The following DNAH11 variants were observed in gnomAD, a reference collection of about 807,000 sequenced individuals.
DNAH11 encodes the protein axonemal beta dynein heavy chain 11.
In DNAH11, 442 loss-of-function variants were observed where a neutral mutation model predicts 526.0. The ratio of observed to expected loss-of-function variants is 0.84; its 90% CI spans 0.78 to 0.91. The LOEUF is 0.91. DNAH11 is among the 40% of genes least tolerant of loss of function. DNAH11 has a pLI of 0.00. For missense variants in DNAH11, 6,989 were observed against 5,448.7 expected (o/e 1.28, Z -8.90); for synonymous variants, 2,461 against 1,935.9 (o/e 1.27, Z -7.12).
Position 21,615,194 on chromosome 7 carries a change from A to G in DNAH11, c.3933A>G (p.Pro1311=), listed in dbSNP as rs138071140. 414 of 1,613,404 alleles carry G rather than the reference A, an allele frequency of 2.6e-4. 1 individual carries two copies. The African/African-American group carries it at 4.8e-3, about 19-fold the overall frequency. ...ESTRLFEVAL[P]EYKQMKQCRK... ...CTCGTCTTTTTGAAGTGGCTCTTCC[A>G]GAGTACAAACAAATGAAACAGTGTC... Residue 1311 remains proline, a synonymous_variant, in exon 21 of 82, where the codon CCA becomes CCG. Transcript: ENST00000409508.
chr7:21,806,241 A>G (rs1192760514), intron 62 of DNAH11, among the ~76,000 whole-genome samples: 1 of 152,212 alleles, frequency 6.6e-6, no homozygotes, highest in African/African-American at 2.4e-5. Flanking sequence ...TCAAATCTCA[A>G]AGCTGTTTTG....
At chr7:21,845,338 T>C (rs1017388995) in intron 66 of DNAH11, among the ~76,000 whole-genome samples, 3 of 152,188 alleles carry the variant, frequency 2.0e-5, no homozygotes, top group Admixed American at 6.5e-5. Context: ...TTGTGTAGTT[T>C]TGGTTCTTAC....
chr7:21,660,762 T>C (rs374770394), intron 30 of DNAH11, among the ~76,000 whole-genome samples: 6 of 152,054 alleles, frequency 3.9e-5, no homozygotes, highest in Non-Finnish European at 7.4e-5. Context: ...TATATATAAG[T>C]GTAATTATTT....
chr7:21,775,615 C>CAAAAA (rs11325043), intron 56 of DNAH11, among the ~76,000 whole-genome samples: 1 of 148,188 alleles, frequency 6.7e-6, no homozygotes, highest in Non-Finnish European at 1.5e-5. Context: ...GACCCTGTCT[C>CAAAAA]AAAAAAAAAA....
At chr7:21,612,751 G>A (rs1236542112) in intron 20 of DNAH11, among the ~76,000 whole-genome samples, 1 of 151,980 alleles carries the variant, frequency 6.6e-6, no homozygotes, top group Admixed American at 6.6e-5. Context: ...ATATAGATCA[G>A]TCTTTCTCAC....
chr7:21,619,182 G>C lies in DNAH11; in HGVS notation c.4337G>C (p.Arg1446Thr), dbSNP rs1021905098. The change falls in exon 24 of 82, where the codon AGG becomes ACG. Residue 1446 changes from arginine to threonine, a missense_variant. Coordinates refer to ENST00000409508, the MANE Select transcript of DNAH11 (RefSeq NM_001277115.2). ...CACAGAGTGGAAGATGATGTCCGAAGGATTGTGGACAAGGCGGTGAAAGAG... is the reference window on the plus strand; with the variant it reads ...CACAGAGTGGAAGATGATGTCCGAACGATTGTGGACAAGGCGGTGAAAGAG... ...RLHRVEDDVR[R>T]IVDKAVKELG... 4 of 1,613,478 alleles carry C rather than the reference G, an allele frequency of 2.5e-6. No homozygotes were observed. The highest frequency in any genetic ancestry group is 1.7e-6 in the Non-Finnish European group (2 of 1,179,664).
chr7:21,711,922 A>G lies in DNAH11; in HGVS notation c.6983+62A>G, dbSNP rs556997817. The G allele has an allele frequency of 7.8e-6, 12 of 1,542,140 alleles. No individual in the cohort carries two copies. In the African/African-American group the frequency reaches 1.4e-4, roughly 18 times the overall value. On this transcript the variant is annotated intron_variant, in intron 42 of 81. Transcript: ENST00000409508. The stretch of plus-strand genomic sequence containing the variant: ...ATGTAACATAACATTTACCATTTTC[A>G]TAATTTTTGCTTAAGCACATTCATG...
intron 30 of DNAH11, among the ~76,000 whole-genome samples, chr7:21,669,544 A>T (rs928167035): frequency 6.6e-6 from 1 of 151,552 alleles, no homozygotes; most frequent in Non-Finnish European, 1.5e-5. Flanking sequence ...TGGACTACTC[A>T]TTTTCTTAAT....
chr7:21,803,896 G>T (rs1296041354), intron 62 of DNAH11, among the ~76,000 whole-genome samples: 1 of 151,968 alleles, frequency 6.6e-6, no homozygotes, highest in African/African-American at 2.4e-5. Context: ...GGGGAATGGG[G>T]CTATCATCAT....
chr7:21,705,724 G>C (rs563910516), intron 39 of DNAH11, among the ~76,000 whole-genome samples, 187 bp downstream of exon 39: 10 of 152,280 alleles, frequency 6.6e-5, no homozygotes, highest in African/African-American at 2.2e-4. Context: ...TATTGGGTCA[G>C]CGGGGGGAGA....
chr7:21,659,052 T>G (rs752915974), intron 30 of DNAH11, 21 bp downstream of exon 30: 1 of 1,532,178 alleles, frequency 6.5e-7, no homozygotes, highest in South Asian at 1.2e-5. Flanking sequence ...GATTTGTGAT[T>G]TTGAGACATA....
chr7:21,607,936 C>CAAAAAAAAAAAAAAAAAAA (rs34293535), intron 20 of DNAH11, among the ~76,000 whole-genome samples: 1 of 68,628 alleles, frequency 1.5e-5, no homozygotes, highest in Non-Finnish European at 2.5e-5. Flanking sequence ...GACTTCATCT[C>CAAAAAAAAAAAAAAAAAAA]AAAAAAAAAA....
intron 37 of DNAH11, among the ~76,000 whole-genome samples, 156 bp downstream of exon 37, chr7:21,702,958 T>G (rs1339001033): frequency 6.6e-6 from 1 of 152,178 alleles, no homozygotes; most frequent in African/African-American, 2.4e-5. Flanking sequence ...GCGTTCCTTA[T>G]AAGAGGTCAC....
At chr7:21,561,312 A>T in intron 5 of DNAH11, 142 bp downstream of exon 5, 1 of 643,286 alleles carries the variant, frequency 1.6e-6, no homozygotes, top group Non-Finnish European at 2.7e-6. Context: ...AATTCATCTC[A>T]CCCTTTGTAC....
chr7:21,899,397 C>A lies in DNAH11; in HGVS notation c.13111C>A (p.Pro4371Thr). 1 of 1,614,004 alleles carries A rather than the reference C, an allele frequency of 6.2e-7. No homozygotes were observed. The change falls in exon 80 of 82, where the codon CCG becomes ACG. Residue 4371 changes from proline to threonine, a missense_variant. Coordinates refer to ENST00000409508, the MANE Select transcript of DNAH11 (RefSeq NM_001277115.2). The stretch of plus-strand genomic sequence containing the variant: ...TACTTGGACACAAGACCTTACCCTT[C>A]CGGCTGTCGTGTGGCTCTCCGGCTT... The part of the protein sequence containing the change: ...LDTWTQDLTL[P>T]AVVWLSGFFN...
At chr7:21,591,943 C>T (rs758605148) in intron 14 of DNAH11, among the ~76,000 whole-genome samples, 3 of 152,140 alleles carry the variant, frequency 2.0e-5, no homozygotes, top group African/African-American at 7.2e-5. Flanking sequence ...TCTCAAGGTA[C>T]CCTCTCAACC....
At chr7:21,766,530 T>C (rs1202308281) in intron 55 of DNAH11, among the ~76,000 whole-genome samples, 1 of 152,184 alleles carries the variant, frequency 6.6e-6, no homozygotes, top group Non-Finnish European at 1.5e-5. Flanking sequence ...GTACAACCCA[T>C]TGTAGCCCCA....
intron 54 of DNAH11, among the ~76,000 whole-genome samples, chr7:21,750,650 A>G (rs970957065): frequency 6.6e-6 from 1 of 152,190 alleles, no homozygotes; most frequent in African/African-American, 2.4e-5. Context: ...CATCACAAAT[A>G]ATTATCATAC....
chr7:21,792,419 C>G (rs1788514758), intron 61 of DNAH11, among the ~76,000 whole-genome samples: 2 of 152,136 alleles, frequency 1.3e-5, no homozygotes. Flanking sequence ...CAGGTCTCAT[C>G]AAATGAGTGT....
Sources: allele counts gnomAD v4.1 joint callset (sites outside exome capture counted in the v4.1 genomes callset), GRCh38; gene constraint gnomAD v4.1.1; transcripts MANE v1.5; gene names NCBI Gene and HGNC (gene_info 2026-07-23, HGNC 2026-07-21).